The following VRTN variants were observed in gnomAD, a reference collection of about 807,000 sequenced individuals.
VRTN encodes vertebrae development associated, also known as vertnin.
A neutral mutation model predicts 18.2 loss-of-function variants in VRTN; 5 were observed. The observed-to-expected ratio is 0.27, with a 90% CI of 0.14 to 0.58. The LOEUF (loss-of-function observed/expected upper bound fraction) is 0.58, where lower values mean the gene tolerates loss of function less well. Ranked by LOEUF, VRTN falls within the 20% of genes least tolerant of loss-of-function variation. The pLI, the probability that VRTN is intolerant of heterozygous loss-of-function variation, is 0.91. For synonymous variants in VRTN, 381 were observed against 393.7 expected, an observed-to-expected ratio of 0.97 and a Z score of 0.38; for missense variants, 741 against 939.4, an observed-to-expected ratio of 0.79 and a Z score of 2.76.
intron 1 of VRTN, among the ~76,000 whole-genome samples, chr14:74,326,001 G>A (rs2085485377): frequency 6.6e-6 from 1 of 152,104 alleles, no homozygotes; most frequent in Non-Finnish European, 1.5e-5. Flanking sequence ...CTGAGAAGTA[G>A]GAACAAACAT....
At chr14:74,321,444 G>A (rs1341313635) in intron 1 of VRTN, among the ~76,000 whole-genome samples, 6 of 151,844 alleles carry the variant, frequency 4.0e-5, no homozygotes, top group South Asian at 4.1e-4. Context: ...GTAAGTGGGG[G>A]AACTTGGAAG....
intron 1 of VRTN, among the ~76,000 whole-genome samples, chr14:74,311,908 A>G (rs577619895): frequency 4.6e-5 from 7 of 151,366 alleles, no homozygotes; most frequent in African/African-American, 1.7e-4. Flanking sequence ...AGCTGGTATT[A>G]CAGGCATCCG....
intron 2 of VRTN, among the ~76,000 whole-genome samples, chr14:74,342,951 A>G (rs1055031033): frequency 3.3e-5 from 5 of 152,172 alleles, no homozygotes; most frequent in African/African-American, 4.8e-5. Context: ...ATGCTCTTTC[A>G]TCATAATTTA....
chr14:74,339,620 G>C (rs555090759), intron 2 of VRTN, among the ~76,000 whole-genome samples: 6 of 152,144 alleles, frequency 3.9e-5, no homozygotes, highest in African/African-American at 1.4e-4. Flanking sequence ...TCTAGAGCAG[G>C]CTGGGAAAAA....
chr14:74,303,249 A>G lies in VRTN; in HGVS notation c.-164+73A>G, dbSNP rs1446856021. The G allele has an allele frequency of 3.2e-5, 9 of 278,630 alleles. No individual in the cohort carries two copies. The East Asian group carries it at 5.6e-4, about 17-fold the overall frequency. 17.3% of individuals were successfully genotyped at this position (278,630 alleles called of 1,614,324 possible). ...CAGAGAAGCCAGCATGATCTTTAAA[A>G]AAGTATAAATTAGGCTTCCAGCCGG... On this transcript the variant is annotated intron_variant, in intron 1 of 2. Transcript: ENST00000557177.
chr14:74,315,328 C>G (rs146653757), intron 1 of VRTN, among the ~76,000 whole-genome samples: 536 of 152,282 alleles, frequency 3.5e-3, no homozygotes, highest in African/African-American at 0.012. Flanking sequence ...AGTCTTGTGC[C>G]TCAGCCTCCT....
At chr14:74,348,769 G>C (rs2085661665) in intron 1 of VRTN, 117 bp downstream of exon 1, 1 of 152,424 alleles carries the variant, frequency 6.6e-6, no homozygotes, top group Non-Finnish European at 1.5e-5. Flanking sequence ...AGGTCAAGGA[G>C]TGGCCCCGTG....
At position 74,350,176 on chromosome 14, in the gene VRTN, C is replaced by G. The variant is rs61527444; in HGVS notation, c.-2+1524C>G. On this transcript the variant is annotated intron_variant, in intron 1 of 1. Coordinates refer to ENST00000256362, the MANE Select transcript of VRTN (RefSeq NM_018228.3). The stretch of plus-strand genomic sequence containing the variant: ...TCTACTTAAGAGTGATAGGCTTCCC[C>G]GTGCAGCCCCTACCCTTTCCACACG... 3.4e-3 allele frequency among the ~76,000 whole-genome samples: 516 copies of G among 152,230 alleles called. 2 individuals are homozygous for G. Among genetic ancestry groups the G allele is most frequent in the African/African-American group, 0.012 (488 of 41,546 alleles).
Position 74,351,907 on chromosome 14 carries a change from G to A in VRTN, c.-2+3255G>A, listed in dbSNP as rs1450333886. On this transcript the variant is annotated intron_variant, in intron 1 of 1. Coordinates refer to ENST00000256362, the MANE Select transcript of VRTN (RefSeq NM_018228.3). ...TTTCCAGGCTAGAGTACAGTGGTGC[G>A]ATCTTGGCTCACTGCAACCTCCGTC... Among the ~76,000 whole-genome samples, 5 of 152,036 alleles carry A rather than the reference G, an allele frequency of 3.3e-5. 1 individual carries two copies. Among genetic ancestry groups the A allele is most frequent in the African/African-American group, 7.2e-5 (3 of 41,464 alleles).
chr14:74,340,261 T>C (rs8019129), intron 2 of VRTN, among the ~76,000 whole-genome samples: 14,963 of 152,132 alleles, frequency 0.098, 1,414 homozygotes, highest in African/African-American at 0.23. Flanking sequence ...TATAGGCATG[T>C]GCCACCACGC....
intron 1 of VRTN, chr14:74,305,699 G>T (rs1351777212): frequency 6.6e-6 from 1 of 152,460 alleles, no homozygotes; most frequent in Non-Finnish European, 1.5e-5. Flanking sequence ...GCAATGGCAC[G>T]ATCTTGGCTC....
At chr14:74,313,024 C>CA (rs1286734403) in intron 1 of VRTN, among the ~76,000 whole-genome samples, 18 of 312 alleles carry the variant, frequency 0.058, 1 homozygote, top group South Asian at 0.44. Context: ...TACAGGCATG[C>CA]GCGCTGCGCC....
At chr14:74,340,300 C>T (rs955830890) in intron 2 of VRTN, among the ~76,000 whole-genome samples, 22 of 152,196 alleles carry the variant, frequency 1.4e-4, no homozygotes, top group African/African-American at 1.9e-4. Flanking sequence ...TTAGTAGAGA[C>T]GGTGTTTCTC....
chr14:74,311,586 T>C (rs2085389117), intron 1 of VRTN, among the ~76,000 whole-genome samples: 1 of 152,032 alleles, frequency 6.6e-6, no homozygotes, highest in Non-Finnish European at 1.5e-5. Context: ...ATTTTTGTAT[T>C]TTTAGTAAAG....
intron 2 of VRTN, among the ~76,000 whole-genome samples, chr14:74,338,073 T>C (rs2085577364): frequency 6.6e-6 from 1 of 152,206 alleles, no homozygotes; most frequent in African/African-American, 2.4e-5. Flanking sequence ...TATTCTTTTT[T>C]CTGATTAAAA....
chr14:74,324,531 G>C lies in VRTN; in HGVS notation c.-163-13192G>C, dbSNP rs374575684. On this transcript the variant is annotated intron_variant, in intron 1 of 2. Coordinates refer to the VRTN transcript ENST00000557177. ...GTCTGTCTGGCAGCTGGCTGAGATG[G>C]TGAGATATGGACAGCCTGAGGCAGT... 2.6e-5 allele frequency among the ~76,000 whole-genome samples: 4 copies of C among 152,228 alleles called. No homozygotes were observed. The East Asian group carries it at 7.7e-4, about 29-fold the overall frequency.
chr14:74,316,883 C>A (rs375815148), intron 1 of VRTN, among the ~76,000 whole-genome samples: 3 of 151,946 alleles, frequency 2.0e-5, no homozygotes, highest in South Asian at 4.2e-4. Context: ...GTGATCCGCC[C>A]GTCTCGGCCT....
intron 2 of VRTN, among the ~76,000 whole-genome samples, chr14:74,338,409 G>A (rs2085579125): frequency 6.6e-6 from 1 of 152,204 alleles, no homozygotes; most frequent in Admixed American, 6.6e-5. Flanking sequence ...GTAATAGCAA[G>A]TCATGGTAGC....
At chr14:74,306,343 T>A (rs926826083) in intron 1 of VRTN, among the ~76,000 whole-genome samples, 10 of 150,358 alleles carry the variant, frequency 6.7e-5, no homozygotes, top group African/African-American at 9.8e-5. Context: ...TTAAAAAAAA[T>A]TTTTTTTGTA....
Sources: gnomAD v4.1 joint callset for allele counts (sites outside exome capture counted in the v4.1 genomes callset) on GRCh38, gnomAD v4.1.1 for gene constraint, MANE v1.5 for transcripts, NCBI Gene and HGNC (gene_info 2026-07-23, HGNC 2026-07-21) for gene names.